Variants in RAB22A observed in about 807,000 individuals in gnomAD.
RAB22A encodes ras-related protein Rab-22A.
RAB22A carries 13 observed loss-of-function variants against 30.2 expected under a neutral mutation model. That is an observed-to-expected ratio of 0.43 (90% CI 0.28 to 0.68). RAB22A has a LOEUF of 0.68. Among genes scored for constraint, RAB22A ranks in the 30% least tolerant of loss-of-function variants. The pLI is 0.18. For missense variants in RAB22A, 177 were observed against 246.8 expected (o/e 0.72, Z 1.89); for synonymous variants, 89 against 87.2 (o/e 1.02, Z -0.11).
In RAB22A at chr20:58,359,539, A is replaced by G. The variant is rs1987189722; in HGVS notation, c.488-67A>G. 1.2e-5 allele frequency: 13 copies of G among 1,051,596 alleles called. No individual in the cohort carries two copies. In the South Asian group the frequency reaches 2.1e-4, roughly 17 times the overall value. The allele number at this position is 1,051,596 out of a possible 1,614,324, so 65.1% of individuals were successfully genotyped here. A position where few individuals can be genotyped will look rare whatever the true frequency, so the allele number is the denominator to read the frequency against. On this transcript the variant is annotated intron_variant, in intron 6 of 6. Transcript: ENST00000244040. ...ACTTCAGTGAAACCTGTCAAATTGCATCTGCAAAATTGTTGTGTCTGAGAA... is the reference window on the plus strand; with the variant it reads ...ACTTCAGTGAAACCTGTCAAATTGCGTCTGCAAAATTGTTGTGTCTGAGAA...
intron 2 of RAB22A, among the ~76,000 whole-genome samples, chr20:58,316,335 C>T (rs184040265): frequency 6.8e-4 from 104 of 152,262 alleles, no homozygotes; most frequent in African/African-American, 2.5e-3. Flanking sequence ...CCTTGTCATC[C>T]CTTTGTATGT....
At position 58,340,852 on chromosome 20, in the gene RAB22A, G is replaced by T. The variant is rs1359091654; in HGVS notation, c.117-2866G>T. ...TTAACATTTAAGCTGAGACCCAAAC[G>T]ATGGGGAGCATCTGGCCAGGGGAGA... On this transcript the variant is annotated intron_variant, in intron 2 of 6. Coordinates refer to ENST00000244040, the MANE Select transcript of RAB22A (RefSeq NM_020673.3). Among the ~76,000 whole-genome samples, 10 of 152,162 alleles carry T rather than the reference G, an allele frequency of 6.6e-5. 1 individual carries two copies.
intron 2 of RAB22A, among the ~76,000 whole-genome samples, chr20:58,319,138 CAT>C (rs1986402727): frequency 6.6e-6 from 1 of 151,050 alleles, no homozygotes; most frequent in African/African-American, 2.4e-5. Flanking sequence ...ATTAGACTGA[CAT>C]ATGGAAAAAA....
At chr20:58,321,115 T>C (rs972795026) in intron 2 of RAB22A, among the ~76,000 whole-genome samples, 3 of 149,914 alleles carry the variant, frequency 2.0e-5, no homozygotes, top group East Asian at 2.0e-4. Context: ...GCTTGAACCC[T>C]GGAGGCGGAG....
intron 2 of RAB22A, among the ~76,000 whole-genome samples, chr20:58,318,225 T>C (rs2122927198): frequency 6.6e-6 from 1 of 152,376 alleles, no homozygotes; most frequent in Non-Finnish European, 1.5e-5. Context: ...ATCAAAGCAA[T>C]GTGTATATGG....
intron 2 of RAB22A, among the ~76,000 whole-genome samples, chr20:58,321,708 T>A (rs1006122068): frequency 9.2e-5 from 14 of 151,726 alleles, no homozygotes; most frequent in Admixed American, 8.5e-4. Flanking sequence ...TGTATATGCA[T>A]GTAGCATTGT....
chr20:58,359,650 A>G lies in RAB22A; in HGVS notation c.532A>G (p.Lys178Glu). 6.2e-7 allele frequency: 1 copy of G among 1,613,182 alleles called. No homozygotes were observed. Among genetic ancestry groups the G allele is most frequent in the Non-Finnish European group, 8.5e-7 (1 of 1,179,232 alleles). Residue 178 changes from lysine (K) to glutamate (E), a missense_variant, in exon 7 of 7, where the codon AAG becomes GAG. Transcript: ENST00000244040. ...TGACGCCAACCTGCCATCTGGCGGTAAGGGCTTCAAACTCCGAAGACAGCC... is the reference window on the plus strand; with the variant it reads ...TGACGCCAACCTGCCATCTGGCGGTGAGGGCTTCAAACTCCGAAGACAGCC... ...STDANLPSGG[K>E]GFKLRRQPSE...
At chr20:58,330,166 C>G (rs1197587883) in intron 2 of RAB22A, among the ~76,000 whole-genome samples, 1 of 152,086 alleles carries the variant, frequency 6.6e-6, no homozygotes, top group Non-Finnish European at 1.5e-5. Context: ...TGAGTATTTG[C>G]AAATTTTTAT....
At position 58,321,607 on chromosome 20, in the gene RAB22A, A is replaced by G. The variant is rs1163551746; in HGVS notation, c.116+10485A>G. 4.6e-5 allele frequency among the ~76,000 whole-genome samples: 7 copies of G among 152,154 alleles called. No individual in the cohort carries two copies. In the East Asian group the frequency reaches 1.3e-3, roughly 29 times the overall value. On this transcript the variant is annotated intron_variant, in intron 2 of 6. Coordinates refer to ENST00000244040, the MANE Select transcript of RAB22A (RefSeq NM_020673.3). ...AACTTTTTTCTCTTATTTTGCAGTA[A>G]AAGAGTATTTGAAGCAGCTCTAATT... is the stretch of plus-strand genomic sequence containing the variant.
Position 58,350,875 on chromosome 20 carries a change from TTAAC to T in RAB22A, c.199-2394_199-2391del, listed in dbSNP as rs1306606167. On this transcript the variant is annotated intron_variant, in intron 3 of 6. Coordinates refer to ENST00000244040, the MANE Select transcript of RAB22A (RefSeq NM_020673.3). ...TTTTTCTTCTTCAATTATTCAAAAG[TTAAC>T]TAATTCAAAAATTATAACACTGGAT... is the stretch of plus-strand genomic sequence containing the variant. Among the ~76,000 whole-genome samples the T allele has an allele frequency of 4.6e-5, 7 of 152,320 alleles. No individual in the cohort carries two copies. In the East Asian group the frequency reaches 7.7e-4, roughly 17 times the overall value.
intron 2 of RAB22A, among the ~76,000 whole-genome samples, chr20:58,331,641 AT>A (rs1313160339): frequency 6.6e-6 from 1 of 151,944 alleles, no homozygotes; most frequent in African/African-American, 2.4e-5. Flanking sequence ...CTCTAGAAGT[AT>A]TTGGCATTAT....
At chr20:58,327,443 G>A (rs1230853525) in intron 2 of RAB22A, among the ~76,000 whole-genome samples, 1 of 152,216 alleles carries the variant, frequency 6.6e-6, no homozygotes. Flanking sequence ...ATGGCTGTTG[G>A]CTGGAGGCCT....
At chr20:58,352,156 C>T (rs1987061825) in intron 3 of RAB22A, among the ~76,000 whole-genome samples, 1 of 152,060 alleles carries the variant, frequency 6.6e-6, no homozygotes, top group African/African-American at 2.4e-5. Flanking sequence ...ATACATTTGT[C>T]AGTTTATCAA....
At chr20:58,324,791 G>A (rs905178958) in intron 2 of RAB22A, among the ~76,000 whole-genome samples, 4 of 135,614 alleles carry the variant, frequency 2.9e-5, no homozygotes, top group Non-Finnish European at 4.8e-5. Context: ...CGCTTGAACC[G>A]GGGAGTCGGA....
At chr20:58,334,973 T>C (rs775427165) in intron 2 of RAB22A, among the ~76,000 whole-genome samples, 1 of 152,226 alleles carries the variant, frequency 6.6e-6, no homozygotes, top group Non-Finnish European at 1.5e-5. Flanking sequence ...CAAAAATGTT[T>C]ATAGCAGGCT....
chr20:58,353,923 C>A (rs1464828093), intron 5 of RAB22A, among the ~76,000 whole-genome samples: 1 of 152,166 alleles, frequency 6.6e-6, no homozygotes, highest in Non-Finnish European at 1.5e-5. Context: ...GGAAGAAAAC[C>A]CTGCCATCCC....
chr20:58,328,506 T>C (rs1986606971), intron 2 of RAB22A, among the ~76,000 whole-genome samples: 1 of 152,214 alleles, frequency 6.6e-6, no homozygotes, highest in African/African-American at 2.4e-5. Context: ...TTGCAACTTT[T>C]CTGAAGTTGG....
At chr20:58,346,396 G>C (rs1375051927) in intron 3 of RAB22A, among the ~76,000 whole-genome samples, 1 of 152,124 alleles carries the variant, frequency 6.6e-6, no homozygotes, top group Non-Finnish European at 1.5e-5. Flanking sequence ...GCCTCCCCCG[G>C]GGCTCCTCTC....
chr20:58,349,851 A>T (rs118101393), intron 3 of RAB22A, among the ~76,000 whole-genome samples: 1 of 152,250 alleles, frequency 6.6e-6, no homozygotes, highest in South Asian at 2.1e-4. Context: ...ACTACTACAC[A>T]TATGAAGAAA....
Sources: allele counts gnomAD v4.1 joint callset (sites outside exome capture counted in the v4.1 genomes callset), GRCh38; gene constraint gnomAD v4.1.1; transcripts MANE v1.5; gene names NCBI Gene and HGNC (gene_info 2026-07-23, HGNC 2026-07-21).